NFIB: variants seen among roughly 807,000 people sequenced by gnomAD.
NFIB encodes the protein nuclear factor I B.
Under a neutral mutation model 61.5 loss-of-function variants are expected in NFIB, and 11 were observed. The observed-to-expected ratio is 0.18, with a 90% CI of 0.11 to 0.30. The LOEUF is 0.30. NFIB is among the 10% of genes least tolerant of loss of function. The pLI, the probability that NFIB is intolerant of heterozygous loss-of-function variation, is 1.00. For missense variants in NFIB, 471 were observed against 608.9 expected (o/e 0.77, Z 2.38); for synonymous variants, 260 against 216.5 (o/e 1.20, Z -1.76).
At chr9:14,218,463 T>G (rs1587694903) in intron 2 of NFIB, among the ~76,000 whole-genome samples, 1 of 152,090 alleles carries the variant, frequency 6.6e-6, no homozygotes, top group East Asian at 1.9e-4. Flanking sequence ...GAAAAAGACT[T>G]TGCATACAGT....
chr9:14,472,919 C>CCA, the NFIB span, among the ~76,000 whole-genome samples: 1 of 152,188 alleles, frequency 6.6e-6, no homozygotes, highest in African/African-American at 2.4e-5. Flanking sequence ...TGGTTTTTCA[C>CCA]CACAGACACT....
intron 1 of NFIB, among the ~76,000 whole-genome samples, chr9:14,389,249 G>T (rs961024574): frequency 6.6e-6 from 1 of 152,064 alleles, no homozygotes. Flanking sequence ...TGGTGCTCAT[G>T]ATTCTTTTGT....
intron 10 of NFIB, among the ~76,000 whole-genome samples, chr9:14,092,332 G>A (rs2034054901): frequency 6.6e-6 from 1 of 151,990 alleles, no homozygotes; most frequent in Non-Finnish European, 1.5e-5. Context: ...TTAACTATAA[G>A]CATGGTACCA....
chr9:14,241,785 A>G (rs1264629258), intron 2 of NFIB, among the ~76,000 whole-genome samples: 1 of 152,224 alleles, frequency 6.6e-6, no homozygotes, highest in Non-Finnish European at 1.5e-5. Context: ...ATGCAGAAAT[A>G]TATTTTAAAT....
intron 10 of NFIB, among the ~76,000 whole-genome samples, chr9:14,090,435 T>A (rs1260118220): frequency 6.6e-6 from 1 of 152,130 alleles, no homozygotes; most frequent in Admixed American, 6.6e-5. Flanking sequence ...CCCTCAACTG[T>A]GTTTCCACTG....
the NFIB span, among the ~76,000 whole-genome samples, chr9:14,486,426 G>T: frequency 6.6e-6 from 1 of 152,282 alleles, no homozygotes; most frequent in South Asian, 2.1e-4. Flanking sequence ...ATTCTAGAAG[G>T]GGAGAATGGT....
chr9:14,395,726 C>CTTTTTTT (rs35417792), intron 1 of NFIB, among the ~76,000 whole-genome samples: 1 of 65,756 alleles, frequency 1.5e-5, no homozygotes, highest in Non-Finnish European at 3.0e-5. Flanking sequence ...ATTCTTTTGA[C>CTTTTTTT]TTTTTTTTTT....
chr9:14,341,505 C>A (rs2060949828), intron 1 of NFIB, among the ~76,000 whole-genome samples: 1 of 152,140 alleles, frequency 6.6e-6, no homozygotes, highest in Non-Finnish European at 1.5e-5. Flanking sequence ...AGAGAAGGAT[C>A]AGAAGTGCTG....
At chr9:14,105,166 G>A (rs182575942) in intron 10 of NFIB, among the ~76,000 whole-genome samples, 37 of 152,170 alleles carry the variant, frequency 2.4e-4, no homozygotes, top group Admixed American at 7.9e-4. Context: ...AAAAATGAAC[G>A]TATTTTTGGA....
chr9:14,407,883 C>T, the NFIB span, among the ~76,000 whole-genome samples: 1 of 152,106 alleles, frequency 6.6e-6, no homozygotes, highest in Admixed American at 6.6e-5. Flanking sequence ...ACAGGGTTCT[C>T]ACTGTGTTGC....
chr9:14,528,446 A>G, the NFIB span, among the ~76,000 whole-genome samples: 281 of 152,314 alleles, frequency 1.8e-3, 1 homozygote, highest in African/African-American at 6.5e-3. Flanking sequence ...ATAACCTTGG[A>G]TAACAGAGGA....
the NFIB span, among the ~76,000 whole-genome samples, chr9:14,440,459 C>T: frequency 1.3e-5 from 2 of 152,150 alleles, no homozygotes; most frequent in Admixed American, 6.5e-5. Flanking sequence ...GTACATTTCA[C>T]AAATATACTT....
chr9:14,205,682 C>A (rs1041985350), intron 2 of NFIB, among the ~76,000 whole-genome samples: 1 of 152,136 alleles, frequency 6.6e-6, no homozygotes, highest in Non-Finnish European at 1.5e-5. Context: ...AACATTCTTG[C>A]CTCTGCTGAA....
At chr9:14,329,141 G>C (rs1285741099) in intron 1 of NFIB, among the ~76,000 whole-genome samples, 3 of 152,114 alleles carry the variant, frequency 2.0e-5, no homozygotes, top group Non-Finnish European at 2.9e-5. Context: ...TACAGTTCTT[G>C]ATCTAGATCA....
At chr9:14,138,342 A>G (rs1454826198) in intron 6 of NFIB, among the ~76,000 whole-genome samples, 1 of 152,164 alleles carries the variant, frequency 6.6e-6, no homozygotes, top group Non-Finnish European at 1.5e-5. Flanking sequence ...TCTTCAATAA[A>G]TAAATAACAC....
At chr9:14,253,591 G>C (rs1000635457) in intron 2 of NFIB, among the ~76,000 whole-genome samples, 1 of 152,160 alleles carries the variant, frequency 6.6e-6, no homozygotes, top group Admixed American at 6.5e-5. Context: ...AACTACTTGG[G>C]TGGCTGAGGC....
chr9:14,456,345 C>T, the NFIB span, among the ~76,000 whole-genome samples: 1 of 151,938 alleles, frequency 6.6e-6, no homozygotes, highest in Non-Finnish European at 1.5e-5. Context: ...TTAAATTCAA[C>T]TACTTAATAA....
At chr9:14,163,917 C>T (rs2044479723) in intron 3 of NFIB, among the ~76,000 whole-genome samples, 1 of 151,302 alleles carries the variant, frequency 6.6e-6, no homozygotes, top group Non-Finnish European at 1.5e-5. Flanking sequence ...ATCTCAACTA[C>T]CTAGAAATTA....
At chr9:14,363,192 G>T (rs1321685281) in intron 1 of NFIB, among the ~76,000 whole-genome samples, 1 of 151,998 alleles carries the variant, frequency 6.6e-6, no homozygotes, top group African/African-American at 2.4e-5. Flanking sequence ...CAAACTCTTT[G>T]TCTTTTACGG....
Sources: allele counts gnomAD v4.1 joint callset (sites outside exome capture counted in the v4.1 genomes callset), GRCh38; gene constraint gnomAD v4.1.1; transcripts MANE v1.5; gene names NCBI Gene and HGNC (gene_info 2026-07-23, HGNC 2026-07-21).